Variants in ATRNL1 observed in about 807,000 individuals in gnomAD.
The protein encoded by ATRNL1 is attractin-like protein 1.
In ATRNL1, 95 loss-of-function variants were observed where a neutral mutation model predicts 182.7. The observed-to-expected ratio is 0.52, with a 90% CI of 0.44 to 0.62. The LOEUF is 0.62. Ranked by LOEUF, ATRNL1 falls within the 20% of genes least tolerant of loss-of-function variation. ATRNL1 has a pLI of 0.00. For missense variants in ATRNL1, 1,471 were observed against 1,679.5 expected, an observed-to-expected ratio of 0.88 and a Z score of 2.17; for synonymous variants, 576 against 568.3, an observed-to-expected ratio of 1.01 and a Z score of -0.19.
chr10:115,664,420 T>C (rs943607878), intron 26 of ATRNL1, among the ~76,000 whole-genome samples: 10 of 152,218 alleles, frequency 6.6e-5, no homozygotes, highest in Non-Finnish European at 8.8e-5. Flanking sequence ...ATGTAGGCTT[T>C]TGATAATTTC....
At chr10:115,535,435 T>A (rs1211455282) in intron 25 of ATRNL1, among the ~76,000 whole-genome samples, 2 of 150,056 alleles carry the variant, frequency 1.3e-5, no homozygotes, top group African/African-American at 4.9e-5. Context: ...CACGTAGTTC[T>A]CAAGCCTTGG....
At chr10:115,418,105 CAT>C (rs1238485585) in intron 20 of ATRNL1, among the ~76,000 whole-genome samples, 1 of 152,160 alleles carries the variant, frequency 6.6e-6, no homozygotes, top group African/African-American at 2.4e-5. Context: ...GTGATGGAGA[CAT>C]GTGGTCTTTC....
rs186543475 is a variant in ATRNL1 at position 115,887,155 on chromosome 10, G to A, written c.4018+39164G>A. The stretch of plus-strand genomic sequence containing the variant: ...TTTTCAAAAGATCCCTAGGTGATAC[G>A]ATTGCATATTCAAGTTTGAGATGCA... On this transcript the variant is annotated intron_variant, in intron 28 of 28. Transcript: ENST00000355044. 1.3e-5 allele frequency among the ~76,000 whole-genome samples: 2 copies of A among 152,116 alleles called. 1 individual carries two copies. Among genetic ancestry groups the A allele is most frequent in the Admixed American group, 1.3e-4 (2 of 15,272 alleles).
intron 9 of ATRNL1, among the ~76,000 whole-genome samples, chr10:115,216,302 A>G (rs1849229994): frequency 6.6e-6 from 1 of 152,184 alleles, no homozygotes; most frequent in African/African-American, 2.4e-5. Context: ...GAGAGTATTT[A>G]TATCCTCAAC....
At chr10:115,659,141 T>C (rs1033334743) in intron 26 of ATRNL1, among the ~76,000 whole-genome samples, 8 of 151,782 alleles carry the variant, frequency 5.3e-5, no homozygotes, top group Non-Finnish European at 7.4e-5. Flanking sequence ...CCAAAACATA[T>C]CACCATCTCT....
Position 115,258,013 on chromosome 10 carries a change from T to C in ATRNL1, c.1688-7180T>C, listed in dbSNP as rs1851231394. The stretch of plus-strand genomic sequence containing the variant: ...GATGGGCTTCCCTTTGTGGGTAACT[T>C]GACCTTTCTCTCTGGCTGTCCTTAA... On this transcript the variant is annotated intron_variant, in intron 10 of 28. Coordinates refer to ENST00000355044, the MANE Select transcript of ATRNL1 (RefSeq NM_207303.4). Among the ~76,000 whole-genome samples, 3 of 152,302 alleles carry C rather than the reference T, an allele frequency of 2.0e-5. No individual in the cohort carries two copies. The South Asian group carries it at 6.2e-4, about 32-fold the overall frequency.
At chr10:115,731,153 A>G (rs782499193) in intron 27 of ATRNL1, among the ~76,000 whole-genome samples, 3 of 152,160 alleles carry the variant, frequency 2.0e-5, no homozygotes, top group Non-Finnish European at 2.9e-5. Context: ...CATACATTGC[A>G]TCCTTCAATG....
At chr10:115,552,093 G>A (rs1014307246) in intron 26 of ATRNL1, among the ~76,000 whole-genome samples, 2 of 151,246 alleles carry the variant, frequency 1.3e-5, no homozygotes, top group Non-Finnish European at 3.0e-5. Context: ...CACAGTTTTA[G>A]GCATCCTCTG....
chr10:115,909,621 TAAAAAAAAAAAAAA>T, intron 28 of ATRNL1: 1 of 125,244 alleles, frequency 8.0e-6, no homozygotes, highest in East Asian at 2.2e-4. Flanking sequence ...TTGATAATGT[TAAAAAAAAAAAAAA>T]AAAAAAAAAA....
At chr10:115,859,768 T>A (rs961768462) in intron 28 of ATRNL1, among the ~76,000 whole-genome samples, 1 of 152,120 alleles carries the variant, frequency 6.6e-6, no homozygotes, top group East Asian at 1.9e-4. Context: ...CATTTTTGAG[T>A]ATGGATGTCC....
chr10:115,481,948 T>C (rs1193706666), intron 24 of ATRNL1, among the ~76,000 whole-genome samples: 12 of 151,156 alleles, frequency 7.9e-5, no homozygotes, highest in African/African-American at 2.9e-4. Flanking sequence ...TTGGCAAAGG[T>C]ATTAAAGTAT....
chr10:115,486,879 T>A (rs1849052738), intron 24 of ATRNL1, among the ~76,000 whole-genome samples: 1 of 152,206 alleles, frequency 6.6e-6, no homozygotes, highest in South Asian at 2.1e-4. Context: ...AGGTCTTACA[T>A]TTAAGTCTTT....
intron 19 of ATRNL1, among the ~76,000 whole-genome samples, chr10:115,375,894 C>G (rs1398241801): frequency 6.6e-6 from 1 of 152,020 alleles, no homozygotes; most frequent in Non-Finnish European, 1.5e-5. Flanking sequence ...TTACTGTATT[C>G]TGAATTTGAC....
chr10:115,372,747 T>C (rs1857462477), intron 19 of ATRNL1, among the ~76,000 whole-genome samples: 1 of 152,172 alleles, frequency 6.6e-6, no homozygotes, highest in Admixed American at 6.5e-5. Flanking sequence ...GCTTTTGTGC[T>C]GGTATCATGG....
intron 5 of ATRNL1, among the ~76,000 whole-genome samples, chr10:115,158,493 T>G (rs1372440052): frequency 1.3e-5 from 2 of 152,080 alleles, no homozygotes; most frequent in African/African-American, 4.8e-5. Context: ...TAGTTCACAG[T>G]CTTTTCTCAC....
intron 26 of ATRNL1, among the ~76,000 whole-genome samples, chr10:115,612,865 A>G (rs1270522260): frequency 6.6e-6 from 1 of 152,076 alleles, no homozygotes; most frequent in Non-Finnish European, 1.5e-5. Flanking sequence ...AAATGACTCC[A>G]TTTTGATCCT....
intron 5 of ATRNL1, among the ~76,000 whole-genome samples, chr10:115,153,989 A>C (rs1355434373): frequency 1.4e-4 from 21 of 151,112 alleles, no homozygotes; most frequent in African/African-American, 4.9e-4. Context: ...TTCAGGAGCA[A>C]GTTGTTCAGT....
chr10:115,387,918 A>T (rs1448204438), intron 19 of ATRNL1, among the ~76,000 whole-genome samples: 1 of 152,190 alleles, frequency 6.6e-6, no homozygotes, highest in South Asian at 2.1e-4. Flanking sequence ...GATATATAGT[A>T]TCGTCATCAT....
intron 26 of ATRNL1, among the ~76,000 whole-genome samples, chr10:115,714,787 G>A (rs1947198331): frequency 6.6e-6 from 1 of 151,566 alleles, no homozygotes; most frequent in Non-Finnish European, 1.5e-5. Context: ...ATCAAATTTA[G>A]ATATTTATGG....
Sources: allele counts gnomAD v4.1 joint callset (sites outside exome capture counted in the v4.1 genomes callset), GRCh38; gene constraint gnomAD v4.1.1; transcripts MANE v1.5; gene names NCBI Gene and HGNC (gene_info 2026-07-23, HGNC 2026-07-21).